The following GABRA3 variants were observed in gnomAD, a reference collection of about 807,000 sequenced individuals.
The protein encoded by GABRA3 is gamma-aminobutyric acid type A receptor subunit alpha3.
Under a neutral mutation model 30.1 loss-of-function variants are expected in GABRA3, and 10 were observed. The observed-to-expected ratio is 0.33, with a 90% CI of 0.20 to 0.56. The LOEUF (loss-of-function observed/expected upper bound fraction) is 0.56. Among genes scored for constraint, GABRA3 ranks in the 20% least tolerant of loss-of-function variants. The pLI, the probability that GABRA3 is intolerant of heterozygous loss-of-function variation, is 0.89. For synonymous variants in GABRA3, 151 were observed against 146.8 expected, an observed-to-expected ratio of 1.03 and a Z score of -0.21; for missense variants, 233 against 392.0, an observed-to-expected ratio of 0.59 and a Z score of 3.42.
chrX:152,443,677 A>C (rs778981499), intron 1 of GABRA3, among the ~76,000 whole-genome samples: 2 of 111,705 alleles, frequency 1.8e-5, no homozygotes, highest in Non-Finnish European at 3.8e-5. Flanking sequence ...AGGTTTAAAA[A>C]AGTAAAGCAA....
intron 3 of GABRA3, among the ~76,000 whole-genome samples, chrX:152,321,335 C>G (rs951025738): frequency 1.8e-5 from 2 of 111,631 alleles, no homozygotes; most frequent in African/African-American, 6.5e-5. Context: ...GGGTAAAGTC[C>G]AAGAATCAGT....
intron 8 of GABRA3, among the ~76,000 whole-genome samples, chrX:152,194,570 G>C (rs1450850506): frequency 9.0e-6 from 1 of 111,179 alleles, no homozygotes; most frequent in African/African-American, 3.3e-5. Flanking sequence ...TTGTTATTAT[G>C]TTTTTGTGAA....
intron 1 of GABRA3, among the ~76,000 whole-genome samples, chrX:152,406,561 C>G (rs753949914): frequency 1.2e-5 from 1 of 86,922 alleles, no homozygotes; most frequent in East Asian, 4.0e-4. Flanking sequence ...ATCTATGCAC[C>G]TAACACTGGA....
chrX:152,315,765 G>C (rs1043986261), intron 3 of GABRA3, among the ~76,000 whole-genome samples: 3 of 110,173 alleles, frequency 2.7e-5, no homozygotes, highest in African/African-American at 9.9e-5. Flanking sequence ...ATACAGCAGA[G>C]GCAGCCATAA....
intron 5 of GABRA3, among the ~76,000 whole-genome samples, chrX:152,239,621 G>A (rs2124399717): frequency 1.1e-5 from 1 of 91,531 alleles, no homozygotes; most frequent in Non-Finnish European, 2.1e-5. Context: ...ATTATTGTGT[G>A]GGAGTCTAAG....
chrX:152,308,131 C>T, intron 3 of GABRA3, among the ~76,000 whole-genome samples: 1 of 112,688 alleles, frequency 8.9e-6, no homozygotes, highest in East Asian at 2.8e-4. Flanking sequence ...CCTGGCTGCA[C>T]CTACTTGCAG....
intron 4 of GABRA3, among the ~76,000 whole-genome samples, chrX:152,268,774 T>C (rs1938874492): frequency 9.0e-6 from 1 of 111,443 alleles, no homozygotes; most frequent in Admixed American, 9.5e-5. Context: ...TTTGTGATGT[T>C]GCCCAGGCTG....
chrX:152,430,273 G>T (rs1930621552), intron 1 of GABRA3, among the ~76,000 whole-genome samples: 1 of 111,962 alleles, frequency 8.9e-6, no homozygotes, highest in Non-Finnish European at 1.9e-5. Context: ...TGGGGATGGG[G>T]TTGGAGAGAA....
chrX:152,234,248 A>G (rs1007548796), intron 5 of GABRA3, among the ~76,000 whole-genome samples: 2 of 111,189 alleles, frequency 1.8e-5, no homozygotes, highest in Non-Finnish European at 3.8e-5. Flanking sequence ...AAAAATAAAT[A>G]AAATAAATAA....
chrX:152,311,446 CA>C (rs1939797819), intron 3 of GABRA3, among the ~76,000 whole-genome samples: 1 of 111,960 alleles, frequency 8.9e-6, no homozygotes, highest in East Asian at 2.8e-4. Flanking sequence ...GAAATAAAAA[CA>C]AAAACCACAT....
At chrX:152,349,567 C>T (rs182298957) in intron 2 of GABRA3, among the ~76,000 whole-genome samples, 4,284 of 108,643 alleles carry the variant, frequency 0.039, 205 homozygotes, top group African/African-American at 0.14. Context: ...ACCCATCTCA[C>T]GTGCAAAGAC....
intron 9 of GABRA3, among the ~76,000 whole-genome samples, chrX:152,174,036 C>T (rs1245251703): frequency 4.6e-4 from 51 of 109,925 alleles, no homozygotes; most frequent in Non-Finnish European, 7.2e-4. Flanking sequence ...TGAGAACATG[C>T]GGTGTTTGGT....
chrX:152,217,323 A>G (rs1294319476), intron 6 of GABRA3, among the ~76,000 whole-genome samples: 1 of 111,566 alleles, frequency 9.0e-6, no homozygotes, highest in Admixed American at 9.5e-5. Context: ...AATCCATTTT[A>G]TAAGTTGCTT....
intron 9 of GABRA3, among the ~76,000 whole-genome samples, chrX:152,186,177 T>C (rs918028892): frequency 9.0e-6 from 1 of 111,129 alleles, no homozygotes; most frequent in Non-Finnish European, 1.9e-5. Flanking sequence ...GTTTGGTGTC[T>C]GTCAGTCCAT....
At chrX:152,356,848 G>A (rs1020514596) in intron 2 of GABRA3, among the ~76,000 whole-genome samples, 3 of 111,699 alleles carry the variant, frequency 2.7e-5, no homozygotes, top group Non-Finnish European at 5.7e-5. Context: ...ATAGTATTTG[G>A]TTTATTGTTC....
intron 6 of GABRA3, among the ~76,000 whole-genome samples, chrX:152,222,046 G>A (rs186009711): frequency 1.9e-3 from 210 of 111,600 alleles, no homozygotes; most frequent in African/African-American, 6.3e-3. Flanking sequence ...CAAAGGACAA[G>A]ATCTCGTTCT....
intron 3 of GABRA3, among the ~76,000 whole-genome samples, chrX:152,309,622 C>T (rs1569392902): frequency 8.9e-6 from 1 of 111,848 alleles, no homozygotes; most frequent in East Asian, 2.8e-4. Context: ...CCAGACCTGC[C>T]TTACAAGAGG....
At chrX:152,322,595 A>G (rs1489656079) in intron 3 of GABRA3, among the ~76,000 whole-genome samples, 2 of 107,048 alleles carry the variant, frequency 1.9e-5, no homozygotes, top group East Asian at 5.9e-4. Flanking sequence ...GTGCAATGGC[A>G]CGATCTCGGC....
intron 4 of GABRA3, among the ~76,000 whole-genome samples, chrX:152,273,889 T>C (rs1009938093): frequency 9.0e-6 from 1 of 111,591 alleles, no homozygotes; most frequent in Non-Finnish European, 1.9e-5. Context: ...TGTATATGTA[T>C]TATTTTACCT....
Sources: allele counts gnomAD v4.1 joint callset (sites outside exome capture counted in the v4.1 genomes callset), GRCh38; gene constraint gnomAD v4.1.1; transcripts MANE v1.5; gene names NCBI Gene and HGNC (gene_info 2026-07-23, HGNC 2026-07-21).